Variants in ARHGAP24 observed in about 807,000 individuals in gnomAD.
The protein encoded by ARHGAP24 is rho GTPase-activating protein 24.
In ARHGAP24, 50 loss-of-function variants were observed where a neutral mutation model predicts 76.4. That is an observed-to-expected ratio of 0.65 (90% CI 0.52 to 0.83). The LOEUF is 0.83. Ranked by LOEUF, ARHGAP24 falls within the 40% of genes least tolerant of loss-of-function variation. The pLI is 0.00. For synonymous variants in ARHGAP24, 345 were observed against 323.3 expected, an observed-to-expected ratio of 1.07 and a Z score of -0.72; for missense variants, 930 against 914.2, an observed-to-expected ratio of 1.02 and a Z score of -0.22.
intron 2 of ARHGAP24, among the ~76,000 whole-genome samples, chr4:85,679,964 C>A (rs1173042906): frequency 6.6e-6 from 1 of 152,124 alleles, no homozygotes; most frequent in Admixed American, 6.5e-5. Flanking sequence ...TATTTTTAGT[C>A]TGAAGGTTTT....
At chr4:85,594,743 A>G (rs1426518082) in intron 2 of ARHGAP24, among the ~76,000 whole-genome samples, 1 of 152,120 alleles carries the variant, frequency 6.6e-6, no homozygotes, top group Non-Finnish European at 1.5e-5. Flanking sequence ...GTAGCCCCAT[A>G]AAAATCACCT....
intron 3 of ARHGAP24, among the ~76,000 whole-genome samples, chr4:85,824,596 A>G (rs964634517): frequency 6.6e-6 from 1 of 152,080 alleles, no homozygotes; most frequent in African/African-American, 2.4e-5. Context: ...ATGTCGACCA[A>G]TTCTTCTGGA....
intron 3 of ARHGAP24, among the ~76,000 whole-genome samples, chr4:85,802,095 A>G (rs1728603079): frequency 6.6e-6 from 1 of 152,230 alleles, no homozygotes. Flanking sequence ...ATGGAAATCA[A>G]TAAAATTCAT....
At chr4:85,667,496 C>G (rs1201717116) in intron 2 of ARHGAP24, among the ~76,000 whole-genome samples, 1 of 152,194 alleles carries the variant, frequency 6.6e-6, no homozygotes. Flanking sequence ...ACACAATGCA[C>G]TGCACCCACT....
intron 2 of ARHGAP24, among the ~76,000 whole-genome samples, chr4:85,637,966 C>G (rs995374506): frequency 2.0e-5 from 3 of 152,040 alleles, no homozygotes; most frequent in Non-Finnish European, 2.9e-5. Flanking sequence ...TTCTCTTTGC[C>G]TTGTCTCCTG....
intron 4 of ARHGAP24, among the ~76,000 whole-genome samples, chr4:85,934,375 A>G (rs947642374): frequency 6.6e-6 from 1 of 152,156 alleles, no homozygotes; most frequent in Non-Finnish European, 1.5e-5. Flanking sequence ...TTCCTCTGCT[A>G]TGATGCTTTC....
chr4:85,558,718 C>T (rs186821237), intron 1 of ARHGAP24, among the ~76,000 whole-genome samples: 3 of 152,292 alleles, frequency 2.0e-5, no homozygotes, highest in African/African-American at 4.8e-5. Context: ...GCAAGCCTGA[C>T]GATGTTCCAC....
intron 1 of ARHGAP24, among the ~76,000 whole-genome samples, chr4:85,570,109 A>G (rs1489669464): frequency 6.6e-6 from 1 of 152,186 alleles, no homozygotes; most frequent in Non-Finnish European, 1.5e-5. Flanking sequence ...CTTAGGGACA[A>G]AGAGCACCAC....
chr4:86,000,446 C>A (rs754439080), intron 9 of ARHGAP24, 33 bp from the exon 10 acceptor site: 5 of 483,934 alleles, frequency 1.0e-5, no homozygotes, highest in East Asian at 6.8e-5. Flanking sequence ...CTCTTGCGTC[C>A]CCACCCCCCA....
At position 85,571,447 on chromosome 4, in the gene ARHGAP24, G is replaced by A. The variant is rs549148091; in HGVS notation, c.180+726G>A. Among the ~76,000 whole-genome samples, 12 of 152,312 alleles carry A rather than the reference G, an allele frequency of 7.9e-5. No homozygotes were observed. The East Asian group carries it at 1.9e-3, about 24-fold the overall frequency. ...GTATGCAAACTGAGGCATCACTTAT[G>A]TGTGTGTTTTTCATCTACGTCTATA... On this transcript the variant is annotated intron_variant, in intron 2 of 9. Transcript: ENST00000395184.
intron 3 of ARHGAP24, among the ~76,000 whole-genome samples, chr4:85,804,802 C>T (rs1234557700): frequency 1.3e-5 from 2 of 152,178 alleles, no homozygotes; most frequent in African/African-American, 4.8e-5. Flanking sequence ...GCTGTACACT[C>T]AGAATGTACA....
intron 4 of ARHGAP24, chr4:85,930,879 A>T: frequency 6.2e-7 from 1 of 1,612,080 alleles, no homozygotes; most frequent in Non-Finnish European, 8.5e-7. Context: ...TTTCGCTCAG[A>T]GGCAGGTTTT....
intron 1 of ARHGAP24, among the ~76,000 whole-genome samples, chr4:85,518,674 G>C (rs960133754): frequency 5.3e-5 from 8 of 152,076 alleles, no homozygotes; most frequent in Non-Finnish European, 8.8e-5. Flanking sequence ...ATCTCATCCA[G>C]GTCACTGCAA....
At chr4:85,575,393 GT>G (rs1172089955) in intron 2 of ARHGAP24, among the ~76,000 whole-genome samples, 5 of 152,120 alleles carry the variant, frequency 3.3e-5, no homozygotes, top group African/African-American at 4.8e-5. Flanking sequence ...CAGTTTTTAA[GT>G]AATATCTTTT....
intron 2 of ARHGAP24, among the ~76,000 whole-genome samples, chr4:85,656,263 A>T (rs1378008175): frequency 6.6e-6 from 1 of 152,206 alleles, no homozygotes; most frequent in African/African-American, 2.4e-5. Flanking sequence ...GGAACCACTG[A>T]ATTTGAAATT....
At chr4:85,613,834 GGTCACC>G (rs903816998) in intron 2 of ARHGAP24, among the ~76,000 whole-genome samples, 15 of 152,052 alleles carry the variant, frequency 9.9e-5, no homozygotes, top group African/African-American at 3.6e-4. Context: ...GGAGCTTCAT[GGTCACC>G]ACCTGATCCC....
intron 3 of ARHGAP24, among the ~76,000 whole-genome samples, chr4:85,761,111 G>A (rs764238427): frequency 7.9e-5 from 12 of 152,160 alleles, no homozygotes; most frequent in East Asian, 3.8e-4. Flanking sequence ...GGAGGGAGAC[G>A]TTCTCAATCT....
chr4:85,975,742 A>G (rs1336399731), intron 7 of ARHGAP24: 1 of 152,254 alleles, frequency 6.6e-6, no homozygotes, highest in Non-Finnish European at 1.5e-5. Context: ...TCCATTTTAA[A>G]ATAAAATTCA....
intron 3 of ARHGAP24, among the ~76,000 whole-genome samples, chr4:85,766,604 A>G (rs976640848): frequency 6.6e-6 from 1 of 152,142 alleles, no homozygotes; most frequent in Admixed American, 6.5e-5. Flanking sequence ...GAATATGCAC[A>G]TGTTCCTTGG....
Sources: gnomAD v4.1 joint callset for allele counts (sites outside exome capture counted in the v4.1 genomes callset) on GRCh38, gnomAD v4.1.1 for gene constraint, MANE v1.5 for transcripts, NCBI Gene and HGNC (gene_info 2026-07-23, HGNC 2026-07-21) for gene names.